Variants in ARID3C observed in about 807,000 individuals in gnomAD.
ARID3C encodes the protein AT-rich interactive domain-containing protein 3C.
ARID3C carries 42 observed loss-of-function variants against 37.9 expected under a neutral mutation model. The observed-to-expected ratio is 1.11, with a 90% CI of 0.87 to 1.43. ARID3C has a LOEUF of 1.43. ARID3C is among the 40% of genes most tolerant of loss of function. The probability of loss-of-function intolerance (pLI) is 0.00; values close to 1 mark genes in which losing one functional copy is unlikely to be tolerated. For missense variants in ARID3C, 581 were observed against 548.8 expected (o/e 1.06, Z -0.59); for synonymous variants, 213 against 228.0 (o/e 0.93, Z 0.59).
Position 34,627,932 on chromosome 9 carries a change from G to A in ARID3C, c.83C>T (p.Pro28Leu), listed in dbSNP as rs773089002. The stretch of plus-strand genomic sequence containing the variant: ...CCGGTGGTCAGGCAGGGGAGGCTGC[G>A]GTGGCAGCAGCGGGCATGCAGGGGC... The change falls in exon 1 of 7, where the codon CCG becomes CTG. Residue 28 changes from proline to leucine, a missense_variant. Coordinates refer to ENST00000378909, the Ensembl canonical transcript of ARID3C. The A allele has an allele frequency of 2.1e-5, 33 of 1,553,844 alleles. No homozygotes were observed. Among genetic ancestry groups the A allele is most frequent in the Middle Eastern group, 1.7e-4 (1 of 6,002 alleles).
chr9:34,632,602 TG>T (rs1177654226), upstream of ARID3C, among the ~76,000 whole-genome samples: 1 of 151,956 alleles, frequency 6.6e-6, no homozygotes, highest in Non-Finnish European at 1.5e-5. Context: ...TAGACCAGGG[TG>T]GGGGCAGTGG....
At chr9:34,625,623 G>C in intron 2 of ARID3C, 119 bp downstream of exon 3, 1 of 1,020,886 alleles carries the variant, frequency 9.8e-7, no homozygotes, top group Non-Finnish European at 1.5e-6. Flanking sequence ...AGACGCTATC[G>C]AGGGCCCAAA....
At chr9:34,622,577 T>G in intron 4 of ARID3C, 48 bp from the exon 6 acceptor site, 2 of 1,523,550 alleles carry the variant, frequency 1.3e-6, no homozygotes, top group Non-Finnish European at 1.8e-6. Context: ...AACCCATCTC[T>G]GCATTGGTTC....
At chr9:34,622,311 A>C (rs765213156) in intron 5 of ARID3C, 36 bp downstream of exon 6, 1 of 1,579,638 alleles carries the variant, frequency 6.3e-7, no homozygotes, top group Non-Finnish European at 8.6e-7. Context: ...CTCAGTGTAC[A>C]GTCCCGAAGC....
intron 1 of ARID3C, among the ~76,000 whole-genome samples, chr9:34,627,491 T>A (rs1298795199): frequency 1.3e-5 from 2 of 151,446 alleles, no homozygotes; most frequent in East Asian, 2.0e-4. Flanking sequence ...AAAGAAATTT[T>A]AAAAAATTAG....
At chr9:34,621,312 A>G (rs901628992), downstream of ARID3C, 15 of 542,548 alleles carry the variant, frequency 2.8e-5, no homozygotes, top group African/African-American at 2.8e-4. Context: ...ATCAAAAGAA[A>G]CTTTGGTTTT....
upstream of ARID3C, among the ~76,000 whole-genome samples, chr9:34,630,598 T>C (rs1478558446): frequency 6.6e-6 from 1 of 152,114 alleles, no homozygotes; most frequent in Non-Finnish European, 1.5e-5. Flanking sequence ...TCCACTCCTC[T>C]CAGCCTCAGC....
At chr9:34,624,219 CG>C (rs1554706633) in intron 2 of ARID3C, among the ~76,000 whole-genome samples, 172 bp from the exon 4 acceptor site, 8 of 150,124 alleles carry the variant, frequency 5.3e-5, no homozygotes, top group East Asian at 2.0e-4. Flanking sequence ...GAGGCTAGAA[CG>C]GGGGGGGGCA....
Position 34,622,332 on chromosome 9 carries a change from CA to C in ARID3C, c.1048+14del. On this transcript the variant is annotated intron_variant, in intron 5 of 6. Transcript: ENST00000378909. ...GTACAGTCCCGAAGCCCCCTCACAA[CA>C]AGCCCCTCCTCACCCCTCAGGGGAA... 1 of 1,594,718 alleles carries C rather than the reference CA, an allele frequency of 6.3e-7. No homozygotes were observed. Among genetic ancestry groups the C allele is most frequent in the Non-Finnish European group, 8.5e-7 (1 of 1,170,528 alleles).
upstream of ARID3C, among the ~76,000 whole-genome samples, chr9:34,628,777 C>T (rs1038870038): frequency 3.3e-5 from 5 of 152,168 alleles, no homozygotes; most frequent in Admixed American, 6.5e-5. The surrounding 1 kb of genome is among the most constrained non-coding windows in gnomAD (Gnocchi z 5.2). Context: ...GAGAGAGGGG[C>T]AGAGGACAGG....
chr9:34,627,469 C>T (rs1226433112), intron 1 of ARID3C, among the ~76,000 whole-genome samples: 1 of 152,112 alleles, frequency 6.6e-6, no homozygotes. Flanking sequence ...ACAAGAAAAC[C>T]TTGTCTTTAC....
In ARID3C at chr9:34,628,074, A is replaced by T; in HGVS notation, c.-60T>A. ...GTCCCTGGTACCAGGCGGGACCCCGAGGAAAGGGCCGCCTGTGGGGGAGGG... is the reference window on the plus strand; with the variant it reads ...GTCCCTGGTACCAGGCGGGACCCCGTGGAAAGGGCCGCCTGTGGGGGAGGG... On this transcript the variant is annotated 5_prime_UTR_variant, in exon 1 of 7. Coordinates refer to ENST00000378909, the Ensembl canonical transcript of ARID3C. This position sits in a 1 kb window ranked among gnomAD's most constrained non-coding sequence, Gnocchi z 5.2. 4 of 1,440,542 alleles carry T rather than the reference A, an allele frequency of 2.8e-6. No individual in the cohort carries two copies. Among genetic ancestry groups the T allele is most frequent in the Non-Finnish European group, 3.6e-6 (4 of 1,099,724 alleles). The allele number at this position is 1,440,542 out of a possible 1,614,324, so 89.2% of individuals were successfully genotyped here.
At chr9:34,621,919 A>T (rs1192539268) in intron 6 of ARID3C, 101 bp downstream of exon 7, 1 of 1,180,526 alleles carries the variant, frequency 8.5e-7, no homozygotes, top group Non-Finnish European at 1.2e-6. Flanking sequence ...GCAAGTTTAG[A>T]TATCCCTGAA....
intron 2 of ARID3C, 74 bp from the exon 4 acceptor site, chr9:34,624,121 G>A (rs1820622788): frequency 6.8e-7 from 1 of 1,469,556 alleles, no homozygotes; most frequent in African/African-American, 1.4e-5. Flanking sequence ...GACTGATACA[G>A]GACGGGAGCC....
At chr9:34,623,269 T>G (rs973676935) in intron 4 of ARID3C, among the ~76,000 whole-genome samples, 156 bp downstream of exon 5, 2 of 151,266 alleles carry the variant, frequency 1.3e-5, no homozygotes, top group African/African-American at 4.9e-5. Flanking sequence ...CCCCTAAACC[T>G]TAGTGACCCC....
At position 34,625,923 on chromosome 9, in the gene ARID3C, G is replaced by A. The variant is rs373564284; in HGVS notation, c.319-109C>T. 191 of 1,241,922 alleles carry A rather than the reference G, an allele frequency of 1.5e-4. 3 individuals carry two copies. In the South Asian group the frequency reaches 2.5e-3, roughly 16 times the overall value. The allele number at this position is 1,241,922 out of a possible 1,614,324, so 76.9% of individuals were successfully genotyped here. A position where few individuals can be genotyped will look rare whatever the true frequency, so the allele number is the denominator to read the frequency against. Reference sequence around the variant, plus strand: ...GGGTCCCTAGCTGAAGGAGTCAGTAGGATCTCAATGTGGACTCCCTGGGAT... The same window carrying A: ...GGGTCCCTAGCTGAAGGAGTCAGTAAGATCTCAATGTGGACTCCCTGGGAT... On this transcript the variant is annotated intron_variant, in intron 1 of 6. Coordinates refer to ENST00000378909, the Ensembl canonical transcript of ARID3C.
Position 34,622,544 on chromosome 9 carries a change from T to A in ARID3C, c.866-15A>T. The A allele has an allele frequency of 6.3e-7, 1 of 1,577,592 alleles. No individual in the cohort carries two copies. The highest frequency in any genetic ancestry group is 8.6e-7 in the Non-Finnish European group (1 of 1,161,626). Reference sequence around the variant, plus strand: ...TCCACTCTCCTCTAGAAGAACAGGTTATTCAGCTCCCCTGGCCAAACCAAC... The same window carrying A: ...TCCACTCTCCTCTAGAAGAACAGGTAATTCAGCTCCCCTGGCCAAACCAAC... On this transcript the variant is annotated splice_polypyrimidine_tract_variant and intron_variant, in intron 4 of 6. Transcript: ENST00000378909.
chr9:34,621,428 G>A, exon 7 of ARID3C: 8 of 1,431,440 alleles, frequency 5.6e-6, no homozygotes, highest in Non-Finnish European at 6.5e-6. Flanking sequence ...CAGCAATGGG[G>A]CTGGGACTCT....
At chr9:34,623,982 G>A (rs1340334076) in exon 3 of ARID3C, 1 of 1,604,422 alleles carries the variant, frequency 6.2e-7, no homozygotes, top group Non-Finnish European at 8.5e-7. Flanking sequence ...GCGGTCACCA[G>A]GCGAAACAGA....
Sources: gnomAD v4.1 joint callset for allele counts (sites outside exome capture counted in the v4.1 genomes callset) on GRCh38, gnomAD v4.1.1 for gene constraint, Gnocchi (gnomAD v3.1) non-coding constraint, MANE v1.5 for transcripts, NCBI Gene and HGNC (gene_info 2026-07-23, HGNC 2026-07-21) for gene names.